The following LEKR1 variants were observed in gnomAD, a reference collection of about 807,000 sequenced individuals.
LEKR1 encodes the protein protein LEKR1.
In LEKR1, 59 loss-of-function variants were observed where a neutral mutation model predicts 72.4. The ratio of observed to expected loss-of-function variants is 0.82; its 90% confidence interval spans 0.66 to 1.01. LEKR1 has a LOEUF of 1.01. Among genes scored for constraint, LEKR1 ranks in the 50% least tolerant of loss-of-function variants. The pLI, the probability that LEKR1 is intolerant of heterozygous loss-of-function variation, is 0.00. For synonymous variants in LEKR1, 257 were observed against 263.2 expected, an observed-to-expected ratio of 0.98 and a Z score of 0.23; for missense variants, 728 against 759.2, an observed-to-expected ratio of 0.96 and a Z score of 0.48.
chr3:156,899,401 CAT>C (rs1336630743), intron 3 of LEKR1, among the ~76,000 whole-genome samples: 2 of 67,072 alleles, frequency 3.0e-5, no homozygotes, highest in Non-Finnish European at 5.4e-5. Flanking sequence ...TGTATATATA[CAT>C]ATATACATAT....
rs570209681 is a variant in LEKR1 at position 156,947,007 on chromosome 3, C to G, written c.745+4293C>G. Among the ~76,000 whole-genome samples the G allele has an allele frequency of 1.3e-4, 20 of 149,766 alleles. No homozygotes were observed. The Admixed American group carries it at 1.3e-3, about 10-fold the overall frequency. On this transcript the variant is annotated intron_variant, in intron 6 of 12. Coordinates refer to ENST00000356539, the MANE Select transcript of LEKR1 (RefSeq NM_001004316.3). ...CTGATTGTATTTATCTGGGTCTTCT[C>G]TTTTTTTTTCTTTATTAGTTGGGTT...
chr3:156,936,466 C>CACACACACACACACACA (rs71931633), intron 5 of LEKR1, among the ~76,000 whole-genome samples: 7 of 57,278 alleles, frequency 1.2e-4, no homozygotes, highest in African/African-American at 2.4e-4. Flanking sequence ...CACACACACA[C>CACACACACACACACACA]CCCCCGTATG....
At chr3:156,901,685 G>T (rs1416887377) in intron 3 of LEKR1, among the ~76,000 whole-genome samples, 2 of 152,036 alleles carry the variant, frequency 1.3e-5, no homozygotes, top group Non-Finnish European at 2.9e-5. Context: ...GATCCATTTT[G>T]TTTTGTTTTG....
At chr3:157,036,119 A>G (rs1432049957) in intron 12 of LEKR1, among the ~76,000 whole-genome samples, 3 of 152,202 alleles carry the variant, frequency 2.0e-5, no homozygotes, top group Non-Finnish European at 4.4e-5. Context: ...TGAAGAACAG[A>G]AACAATAAGC....
chr3:156,857,346 A>G (rs955184791), intron 3 of LEKR1, among the ~76,000 whole-genome samples: 11 of 152,158 alleles, frequency 7.2e-5, no homozygotes, highest in African/African-American at 1.2e-4. Context: ...TGCCACTGCT[A>G]TAAGTACTCT....
intron 6 of LEKR1, among the ~76,000 whole-genome samples, chr3:156,974,473 G>A (rs978134443): frequency 1.3e-5 from 2 of 151,960 alleles, no homozygotes; most frequent in African/African-American, 2.4e-5. Flanking sequence ...AACTGACAAC[G>A]CTCCTTGTTA....
At chr3:157,025,678 C>A (rs1447329696) in intron 11 of LEKR1, among the ~76,000 whole-genome samples, 1 of 152,184 alleles carries the variant, frequency 6.6e-6, no homozygotes, top group Non-Finnish European at 1.5e-5. Flanking sequence ...TGGTCCCACA[C>A]TCAGAAAGGC....
Position 156,882,604 on chromosome 3 carries a change from G to A in LEKR1, c.263+29622G>A, listed in dbSNP as rs980046886. Among the ~76,000 whole-genome samples the A allele has an allele frequency of 2.0e-4, 30 of 152,250 alleles. No individual in the cohort carries two copies. The South Asian group carries it at 5.0e-3, about 25-fold the overall frequency. ...TGGAAGTCAGTGTGGCAATTCCTCA[G>A]GGATCTAGAACTAGAAATACCATTT... On this transcript the variant is annotated intron_variant, in intron 3 of 12. Transcript: ENST00000356539.
intron 3 of LEKR1, among the ~76,000 whole-genome samples, chr3:156,904,492 T>C (rs1722343227): frequency 6.6e-6 from 1 of 151,290 alleles, no homozygotes; most frequent in East Asian, 1.9e-4. Context: ...GTGTCACTCA[T>C]ATTTATTCCC....
At chr3:156,951,188 C>G (rs1274443227) in intron 6 of LEKR1, among the ~76,000 whole-genome samples, 2 of 151,664 alleles carry the variant, frequency 1.3e-5, no homozygotes, top group Non-Finnish European at 2.9e-5. Context: ...TATGTTGAAC[C>G]AGCCTTGCAT....
chr3:156,991,871 C>T (rs1434703589), intron 7 of LEKR1, among the ~76,000 whole-genome samples: 1 of 152,208 alleles, frequency 6.6e-6, no homozygotes, highest in African/African-American at 2.4e-5. Context: ...TTTCTGAATA[C>T]TTTTTTACTA....
At chr3:156,860,571 A>T (rs1381813350) in intron 3 of LEKR1, among the ~76,000 whole-genome samples, 2 of 152,138 alleles carry the variant, frequency 1.3e-5, no homozygotes, top group Non-Finnish European at 2.9e-5. Context: ...TAATGCAGAG[A>T]GTGTGTCTGA....
chr3:156,875,129 A>G (rs1254572483), intron 3 of LEKR1, among the ~76,000 whole-genome samples: 1 of 152,204 alleles, frequency 6.6e-6, no homozygotes, highest in African/African-American at 2.4e-5. Flanking sequence ...TAGTGGTTAT[A>G]CTAGTTTACA....
chr3:156,899,931 A>C (rs1721839758), intron 3 of LEKR1, among the ~76,000 whole-genome samples: 1 of 152,056 alleles, frequency 6.6e-6, no homozygotes. Context: ...AATGGCAGGC[A>C]CTTACCCTTT....
At chr3:156,989,875 T>C (rs1576957866) in intron 7 of LEKR1, among the ~76,000 whole-genome samples, 1 of 151,986 alleles carries the variant, frequency 6.6e-6, no homozygotes, top group Non-Finnish European at 1.5e-5. Context: ...CCTGAACCGT[T>C]TTGAGGATAA....
At chr3:156,855,804 T>C (rs991402333) in intron 3 of LEKR1, among the ~76,000 whole-genome samples, 3 of 152,150 alleles carry the variant, frequency 2.0e-5, no homozygotes, top group African/African-American at 7.2e-5. Flanking sequence ...AAACAGAGCT[T>C]GTTCAGGGAT....
intron 4 of LEKR1, among the ~76,000 whole-genome samples, 195 bp from the exon 5 acceptor site, chr3:156,927,234 C>T (rs1253754201): frequency 6.6e-6 from 1 of 151,822 alleles, no homozygotes; most frequent in Non-Finnish European, 1.5e-5. Context: ...GTTAGAGTGA[C>T]CATACACTTC....
intron 9 of LEKR1, among the ~76,000 whole-genome samples, chr3:157,004,313 C>A (rs1732243131): frequency 6.6e-6 from 1 of 151,968 alleles, no homozygotes; most frequent in African/African-American, 2.4e-5. Context: ...AATAACAGAC[C>A]TTAAAAATAC....
At chr3:156,973,124 A>G (rs1169283416) in intron 6 of LEKR1, among the ~76,000 whole-genome samples, 1 of 152,120 alleles carries the variant, frequency 6.6e-6, no homozygotes, top group Non-Finnish European at 1.5e-5. Flanking sequence ...TAGGCACTTA[A>G]TTCTAAACAT....
Sources: gnomAD v4.1 joint callset for allele counts (sites outside exome capture counted in the v4.1 genomes callset) on GRCh38, gnomAD v4.1.1 for gene constraint, MANE v1.5 for transcripts, NCBI Gene and HGNC (gene_info 2026-07-23, HGNC 2026-07-21) for gene names.